PCDH15: variants seen among roughly 807,000 people sequenced by gnomAD.
The protein encoded by PCDH15 is protocadherin-15.
A neutral mutation model predicts 178.5 loss-of-function variants in PCDH15; 129 were observed. The observed-to-expected ratio is 0.72, with a 90% CI of 0.63 to 0.84. PCDH15 has a LOEUF of 0.84. Ranked by LOEUF, PCDH15 falls within the 40% of genes least tolerant of loss-of-function variation. The pLI is 0.00. For missense variants in PCDH15, 2,230 were observed against 2,099.9 expected, an observed-to-expected ratio of 1.06 and a Z score of -1.21; for synonymous variants, 800 against 732.0, an observed-to-expected ratio of 1.09 and a Z score of -1.50.
At chr10:54,986,232 T>C (rs1035399512) in intron 2 of PCDH15, among the ~76,000 whole-genome samples, 1 of 152,036 alleles carries the variant, frequency 6.6e-6, no homozygotes, top group African/African-American at 2.4e-5. Flanking sequence ...ATGCAGGGGA[T>C]ACACTGTAGC....
Position 54,946,214 on chromosome 10 carries a change from A to C in PCDH15, c.-79-48714T>G, listed in dbSNP as rs565548990. Reference sequence around the variant, plus strand: ...GTGATATGAGTGGTATATAGATGAGAGATATCACAGCCCAGGGTATAGGCT... The same window carrying C: ...GTGATATGAGTGGTATATAGATGAGCGATATCACAGCCCAGGGTATAGGCT... On this transcript the variant is annotated intron_variant, in intron 2 of 5. Transcript: ENST00000458638. 7.9e-5 allele frequency among the ~76,000 whole-genome samples: 12 copies of C among 151,964 alleles called. 2 individuals are homozygous for C. Among genetic ancestry groups the C allele is most frequent in the African/African-American group, 2.9e-4 (12 of 41,542 alleles).
chr10:54,896,248 C>A (rs2131820918), intron 3 of PCDH15, among the ~76,000 whole-genome samples: 1 of 152,166 alleles, frequency 6.6e-6, no homozygotes, highest in Non-Finnish European at 1.5e-5. Flanking sequence ...ATTTAACTTT[C>A]AATTTTATTT....
intron 8 of PCDH15, among the ~76,000 whole-genome samples, chr10:54,264,704 C>G (rs1048927596): frequency 4.0e-5 from 6 of 151,428 alleles, no homozygotes; most frequent in Admixed American, 3.3e-4. Flanking sequence ...CCCAGTCTTG[C>G]AAAAATAAAG....
intron 2 of PCDH15, among the ~76,000 whole-genome samples, chr10:54,932,339 T>C (rs1442432660): frequency 1.3e-5 from 2 of 152,312 alleles, no homozygotes; most frequent in East Asian, 3.9e-4. Context: ...GTTTGTGGCT[T>C]AATTTTTATA....
intron 3 of PCDH15, among the ~76,000 whole-genome samples, chr10:54,406,747 A>G (rs1371182772): frequency 1.3e-5 from 2 of 152,130 alleles, no homozygotes; most frequent in Non-Finnish European, 2.9e-5. Flanking sequence ...CCTCCTAACA[A>G]ACACGAAATT....
chr10:54,235,840 T>C (rs1479752544), intron 9 of PCDH15, among the ~76,000 whole-genome samples: 5 of 152,322 alleles, frequency 3.3e-5, no homozygotes, highest in Non-Finnish European at 7.4e-5. Flanking sequence ...AGACTTAAAA[T>C]AGTTTCTGTT....
At chr10:54,425,860 G>A (rs1280559953) in intron 3 of PCDH15, among the ~76,000 whole-genome samples, 1 of 152,118 alleles carries the variant, frequency 6.6e-6, no homozygotes, top group Non-Finnish European at 1.5e-5. Context: ...AGAAAATGAA[G>A]TATTCTAGTA....
rs543419055 is a variant in PCDH15 at position 55,441,820 on chromosome 10, T to C, written c.-156+185805A>G. 3.2e-4 allele frequency among the ~76,000 whole-genome samples: 49 copies of C among 152,286 alleles called. No homozygotes were observed. In the South Asian group the frequency reaches 0.01, roughly 32 times the overall value. The stretch of plus-strand genomic sequence containing the variant: ...GTAATTAAGTTAAGGATCTTGAGAT[T>C]CAGAGATTACTGTAGAATATCCAGG... On this transcript the variant is annotated intron_variant, in intron 2 of 5. Transcript: ENST00000613346.
At chr10:54,639,088 T>C (rs747998445) in intron 2 of PCDH15, among the ~76,000 whole-genome samples, 1 of 152,154 alleles carries the variant, frequency 6.6e-6, no homozygotes, top group Non-Finnish European at 1.5e-5. Context: ...AAAAAGGACG[T>C]AAAATTCACA....
intron 2 of PCDH15, among the ~76,000 whole-genome samples, chr10:55,622,898 G>T (rs1463143357): frequency 6.6e-6 from 1 of 152,118 alleles, no homozygotes; most frequent in African/African-American, 2.4e-5. Context: ...GTACCACAGA[G>T]CTGTCTTCTA....
At chr10:54,107,480 G>A (rs1014799389) in intron 15 of PCDH15, among the ~76,000 whole-genome samples, 3 of 152,196 alleles carry the variant, frequency 2.0e-5, no homozygotes, top group Non-Finnish European at 2.9e-5. Flanking sequence ...TGGCAGCAAC[G>A]TGCACAGCAG....
At chr10:54,319,740 G>A (rs1320137407) in intron 7 of PCDH15, among the ~76,000 whole-genome samples, 1 of 149,516 alleles carries the variant, frequency 6.7e-6, no homozygotes, top group Non-Finnish European at 1.5e-5. Flanking sequence ...TTCATAAAAT[G>A]TCTTCCTTTG....
chr10:54,680,685 T>G (rs571257379), intron 1 of PCDH15, among the ~76,000 whole-genome samples: 2 of 152,244 alleles, frequency 1.3e-5, no homozygotes, highest in African/African-American at 4.8e-5. Flanking sequence ...TCTCATGAGA[T>G]CTGGTTCTAT....
chr10:55,204,177 TA>T (rs1840330743), intron 1 of PCDH15, among the ~76,000 whole-genome samples: 2 of 148,886 alleles, frequency 1.3e-5, no homozygotes, highest in African/African-American at 4.9e-5. Flanking sequence ...GATTTTATAC[TA>T]ATATATTTAT....
chr10:54,076,520 A>C (rs1387982163), intron 17 of PCDH15, among the ~76,000 whole-genome samples: 2 of 151,904 alleles, frequency 1.3e-5, no homozygotes, highest in Non-Finnish European at 2.9e-5. Context: ...AGGACCTCTG[A>C]TACTATGTTG....
intron 3 of PCDH15, among the ~76,000 whole-genome samples, chr10:54,896,543 C>G (rs1019955272): frequency 1.3e-5 from 2 of 151,676 alleles, no homozygotes; most frequent in African/African-American, 4.8e-5. Flanking sequence ...GCTCCATGAA[C>G]TAGATTTTTA....
intron 3 of PCDH15, among the ~76,000 whole-genome samples, chr10:54,894,201 GT>G (rs1403419816): frequency 2.0e-5 from 3 of 152,000 alleles, no homozygotes; most frequent in Non-Finnish European, 2.9e-5. Context: ...ACAATGTATT[GT>G]CAATGGACAA....
intron 2 of PCDH15, among the ~76,000 whole-genome samples, chr10:54,954,123 G>C (rs908131539): frequency 3.3e-5 from 5 of 151,068 alleles, no homozygotes. Flanking sequence ...TCTCTGAATC[G>C]TGTCCTATCA....
At chr10:55,566,277 C>A (rs1050322678) in intron 2 of PCDH15, among the ~76,000 whole-genome samples, 9 of 151,054 alleles carry the variant, frequency 6.0e-5, no homozygotes, top group African/African-American at 2.2e-4. Flanking sequence ...TTAAAAAAAA[C>A]ACTCAACAAA....
Sources: allele counts gnomAD v4.1 joint callset (sites outside exome capture counted in the v4.1 genomes callset), GRCh38; gene constraint gnomAD v4.1.1; transcripts MANE v1.5; gene names NCBI Gene and HGNC (gene_info 2026-07-23, HGNC 2026-07-21).